Variants in DLG2 observed in about 807,000 individuals in gnomAD.
DLG2 encodes the protein disks large homolog 2.
Under a neutral mutation model 132.5 loss-of-function variants are expected in DLG2, and 45 were observed. The observed-to-expected ratio is 0.34, with a 90% CI of 0.27 to 0.44. The LOEUF (loss-of-function observed/expected upper bound fraction) is 0.44, where lower values mean the gene tolerates loss of function less well. DLG2 is among the 20% of genes least tolerant of loss of function. The probability of loss-of-function intolerance (pLI) is 1.00; values close to 1 mark genes in which losing one functional copy is unlikely to be tolerated. For synonymous variants in DLG2, 424 were observed against 419.6 expected, an observed-to-expected ratio of 1.01 and a Z score of -0.13; for missense variants, 1,045 against 1,196.9, an observed-to-expected ratio of 0.87 and a Z score of 1.87.
chr11:85,149,486 C>A (rs1214261516), intron 5 of DLG2, among the ~76,000 whole-genome samples: 1 of 152,108 alleles, frequency 6.6e-6, no homozygotes, highest in Non-Finnish European at 1.5e-5. Flanking sequence ...GATGCCACTT[C>A]CCATCCCATC....
intron 6 of DLG2, among the ~76,000 whole-genome samples, chr11:84,986,209 G>C (rs745728136): frequency 6.6e-6 from 1 of 151,982 alleles, no homozygotes; most frequent in African/African-American, 2.4e-5. Context: ...CCTAGAGATG[G>C]ATAAATTCCT....
intron 18 of DLG2, among the ~76,000 whole-genome samples, chr11:83,724,472 T>TGAGAGA (rs1384949474): frequency 1.3e-3 from 127 of 97,580 alleles, no homozygotes; most frequent in South Asian, 3.6e-3. Context: ...TGTGTGTGTG[T>TGAGAGA]GTGTGAGAGA....
At chr11:85,183,143 G>C (rs1251240042) in intron 4 of DLG2, among the ~76,000 whole-genome samples, 1 of 151,744 alleles carries the variant, frequency 6.6e-6, no homozygotes, top group African/African-American at 2.4e-5. Flanking sequence ...CTGTGGTTGA[G>C]GATAGCATTT....
intron 6 of DLG2, among the ~76,000 whole-genome samples, chr11:84,655,476 C>T (rs758913799): frequency 3.3e-5 from 5 of 152,044 alleles, no homozygotes; most frequent in African/African-American, 1.2e-4. Flanking sequence ...AGAAAATAAA[C>T]GTAATGGGCT....
At chr11:84,552,386 T>G (rs1378488501) in intron 6 of DLG2, among the ~76,000 whole-genome samples, 1 of 152,174 alleles carries the variant, frequency 6.6e-6, no homozygotes, top group African/African-American at 2.4e-5. Flanking sequence ...TATTTGCAAC[T>G]CAGAGTAAGA....
At chr11:85,036,842 T>C (rs1042546196) in intron 6 of DLG2, among the ~76,000 whole-genome samples, 4 of 152,184 alleles carry the variant, frequency 2.6e-5, no homozygotes, top group Non-Finnish European at 5.9e-5. Context: ...TAAAAGGATG[T>C]ATCAAGGCAC....
At chr11:84,590,613 C>A (rs1363458385) in intron 6 of DLG2, among the ~76,000 whole-genome samples, 2 of 152,050 alleles carry the variant, frequency 1.3e-5, no homozygotes, top group Non-Finnish European at 2.9e-5. Context: ...AAATAAAGAT[C>A]TAATTCCAAA....
At chr11:84,374,294 G>T (rs540145861) in intron 7 of DLG2, among the ~76,000 whole-genome samples, 1 of 152,162 alleles carries the variant, frequency 6.6e-6, no homozygotes, top group East Asian at 1.9e-4. Flanking sequence ...AACACTTCAG[G>T]ATAATTATTG....
At chr11:85,089,435 AC>A (rs1184052226) in intron 6 of DLG2, among the ~76,000 whole-genome samples, 23 of 152,302 alleles carry the variant, frequency 1.5e-4, no homozygotes, top group African/African-American at 5.5e-4. Context: ...GTCTTCAGAT[AC>A]ATATGTTTCT....
chr11:84,922,599 T>C (rs962625651), intron 6 of DLG2, among the ~76,000 whole-genome samples: 1 of 152,130 alleles, frequency 6.6e-6, no homozygotes, highest in Non-Finnish European at 1.5e-5. Context: ...TTTGTTGATA[T>C]GCACAGGATG....
chr11:84,393,403 C>T (rs1169007586), intron 7 of DLG2, among the ~76,000 whole-genome samples: 5 of 151,948 alleles, frequency 3.3e-5, no homozygotes, highest in African/African-American at 4.8e-5. Flanking sequence ...TGTCTGTCTA[C>T]AGCTAAGCAC....
chr11:84,683,677 G>A (rs1268189111), intron 6 of DLG2, among the ~76,000 whole-genome samples: 2 of 152,112 alleles, frequency 1.3e-5, no homozygotes, highest in East Asian at 3.9e-4. Flanking sequence ...GGCTGAAGTC[G>A]CAGCACCATG....
At chr11:83,928,397 ACTT>A (rs1385827673) in intron 15 of DLG2, among the ~76,000 whole-genome samples, 22 of 152,262 alleles carry the variant, frequency 1.4e-4, no homozygotes, top group African/African-American at 5.1e-4. Context: ...GTTATCAGCT[ACTT>A]CTTCGTGAAT....
chr11:85,101,157 T>A (rs931830680), intron 6 of DLG2, among the ~76,000 whole-genome samples: 8 of 152,120 alleles, frequency 5.3e-5, no homozygotes, highest in Non-Finnish European at 1.2e-4. Context: ...TTCCAAGCTG[T>A]CAGATGCCAT....
intron 6 of DLG2, among the ~76,000 whole-genome samples, chr11:84,627,501 C>G (rs747046682): frequency 6.6e-6 from 1 of 152,190 alleles, no homozygotes; most frequent in African/African-American, 2.4e-5. Flanking sequence ...GTAGCATTCT[C>G]CCCCAGAGTA....
chr11:84,440,979 G>A (rs2099015495), intron 7 of DLG2, among the ~76,000 whole-genome samples: 1 of 152,072 alleles, frequency 6.6e-6, no homozygotes, highest in South Asian at 2.1e-4. Flanking sequence ...GAAAAGCTAT[G>A]TAATTTCAGT....
rs60339036 is a variant in DLG2 at position 84,877,512 on chromosome 11, C to CTTT, written c.357+234146_357+234148dup. Among the ~76,000 whole-genome samples, 265 of 57,408 alleles carry CTTT rather than the reference C, an allele frequency of 4.6e-3. 12 individuals are homozygous for CTTT. The highest frequency in any genetic ancestry group is 5.6e-3 in the South Asian group (6 of 1,062). 37.7% of individuals were successfully genotyped at this position (57,408 alleles called of 152,430 possible). A position where few individuals can be genotyped will look rare whatever the true frequency, so the allele number is the denominator to read the frequency against. On this transcript the variant is annotated intron_variant, in intron 6 of 27. Transcript: ENST00000376104. ...TCAGAGACTAGGATTGCAACCCCTG[C>CTTT]TTTTTTTTTTTTTTTTTTTTTTGCT...
chr11:84,215,963 A>G (rs147744606), intron 8 of DLG2, among the ~76,000 whole-genome samples: 82 of 152,282 alleles, frequency 5.4e-4, no homozygotes, highest in African/African-American at 1.8e-3. Flanking sequence ...TTGGTTTTCT[A>G]TTGATTCATA....
rs58944265 is a variant in DLG2 at position 84,335,160 on chromosome 11, CAAA to C, written c.520-83872_520-83870del. On this transcript the variant is annotated intron_variant, in intron 7 of 27. Transcript: ENST00000376104. ...GCAAGAAAGCAAGCAATAAAGAAAGCAAAAAAAAAAAAAAAAAAAGGAAGGAAG... is the reference window on the plus strand; with the variant it reads ...GCAAGAAAGCAAGCAATAAAGAAAGCAAAAAAAAAAAAAAAAGGAAGGAAG... Among the ~76,000 whole-genome samples, 91 of 62,662 alleles carry C rather than the reference CAAA, an allele frequency of 1.5e-3. 2 individuals carry two copies. The South Asian group carries it at 0.021, about 15-fold the overall frequency. 41.1% of individuals were successfully genotyped at this position (62,662 alleles called of 152,430 possible).
Sources: gnomAD v4.1 joint callset for allele counts (sites outside exome capture counted in the v4.1 genomes callset) on GRCh38, gnomAD v4.1.1 for gene constraint, MANE v1.5 for transcripts, NCBI Gene and HGNC (gene_info 2026-07-23, HGNC 2026-07-21) for gene names.